Variants in TNK2 observed in about 807,000 individuals in gnomAD.
TNK2 encodes activated CDC42 kinase 1.
TNK2 carries 83 observed loss-of-function variants against 101.8 expected under a neutral mutation model. That is an observed-to-expected ratio of 0.82 (90% CI 0.68 to 0.98). TNK2 has a LOEUF of 0.98. TNK2 is among the 50% of genes least tolerant of loss of function. The pLI is 0.00. For missense variants in TNK2, 1,665 were observed against 1,483.2 expected (o/e 1.12, Z -2.01); for synonymous variants, 804 against 633.0 (o/e 1.27, Z -4.06).
At position 195,866,749 on chromosome 3, in the gene TNK2, G is replaced by A. The variant is rs1345572563; in HGVS notation, c.3161+140C>T. 7.9e-6 allele frequency: 10 copies of A among 1,260,600 alleles called. No homozygotes were observed. The African/African-American group carries it at 1.5e-4, about 19-fold the overall frequency. The allele number at this position is 1,260,600 out of a possible 1,614,324, so 78.1% of individuals were successfully genotyped here. A position where few individuals can be genotyped will look rare whatever the true frequency, so the allele number is the denominator to read the frequency against. ...AAAAACGATTTGCTGGGCCCTGTGA[G>A]CGCCTCCCTCCCGCAGCTGGAGAGC... On this transcript the variant is annotated intron_variant, in intron 15 of 15. Coordinates refer to ENST00000672887, the MANE Select transcript of TNK2 (RefSeq NM_001382273.1).
At chr3:195,897,353 A>G (rs1760713646) in intron 1 of TNK2, among the ~76,000 whole-genome samples, 1 of 152,212 alleles carries the variant, frequency 6.6e-6, no homozygotes, top group African/African-American at 2.4e-5. Context: ...GACACACGCC[A>G]TGACTGTCCA....
chr3:195,887,873 T>C (rs1160169244), intron 2 of TNK2, among the ~76,000 whole-genome samples: 2 of 138,412 alleles, frequency 1.4e-5, no homozygotes, highest in African/African-American at 5.9e-5. Context: ...CGCAGGCGTG[T>C]GAGCGCGTGC....
Position 195,878,917 on chromosome 3 carries a change from G to T in TNK2, c.1014+132C>A. The T allele has an allele frequency of 7.1e-7, 1 of 1,404,126 alleles. No individual in the cohort carries two copies. The highest frequency in any genetic ancestry group is 9.7e-7 in the Non-Finnish European group (1 of 1,029,958). 87.0% of individuals were successfully genotyped at this position (1,404,126 alleles called of 1,614,324 possible). On this transcript the variant is annotated intron_variant, in intron 7 of 15. Coordinates refer to ENST00000672887, the MANE Select transcript of TNK2 (RefSeq NM_001382273.1). The surrounding 1 kb of genome is among the most constrained non-coding windows in gnomAD (Gnocchi z 4.7). ...ACACGGGGCGTGGTGGGAGGCACGGGAAGTGGGGGGAGGCACGGGGCGTGG... is the reference window on the plus strand; with the variant it reads ...ACACGGGGCGTGGTGGGAGGCACGGTAAGTGGGGGGAGGCACGGGGCGTGG...
chr3:195,880,036 C>T (rs1320918454), intron 6 of TNK2, among the ~76,000 whole-genome samples: 1 of 152,122 alleles, frequency 6.6e-6, no homozygotes, highest in African/African-American at 2.4e-5. Flanking sequence ...GATGACCATG[C>T]GTCCTGGATC....
In TNK2 at chr3:195,878,682, C is replaced by T. The variant is rs1048084091; in HGVS notation, c.1015-90G>A. 1.1e-5 allele frequency: 17 copies of T among 1,513,878 alleles called. No individual in the cohort carries two copies. In the African/African-American group the frequency reaches 1.4e-4, roughly 12 times the overall value. The allele number at this position is 1,513,878 out of a possible 1,614,324, so 93.8% of individuals were successfully genotyped here. A position where few individuals can be genotyped will look rare whatever the true frequency, so the allele number is the denominator to read the frequency against. On this transcript the variant is annotated intron_variant, in intron 7 of 15. Coordinates refer to ENST00000672887, the MANE Select transcript of TNK2 (RefSeq NM_001382273.1). This position sits in a 1 kb window ranked among gnomAD's most constrained non-coding sequence, Gnocchi z 4.7. ...CCCTCCAGCCCATCCACAGCTGCAG[C>T]GGCTGCTGCCATGCCTGGCCTCCAA...
At position 195,868,175 on chromosome 3, in the gene TNK2, C is replaced by T. The variant is rs772790657; in HGVS notation, c.2123G>A (p.Gly708Asp). The T allele has an allele frequency of 2.5e-6, 4 of 1,610,212 alleles. No individual in the cohort carries two copies. The highest frequency in any genetic ancestry group is 3.4e-6 in the Non-Finnish European group (4 of 1,178,970). Residue 708 changes from glycine (G) to aspartate (D), a missense_variant, in exon 13 of 16, where the codon GGT (glycine) becomes GAT (aspartate). Coordinates refer to ENST00000672887, the MANE Select transcript of TNK2 (RefSeq NM_001382273.1). ...LEDNLFLPPQ[G>D]GGKPPSSAQT... is the part of the protein sequence containing the mutation. ...TGCGGAGCTGGGCGGCTTGCCCCCA[C>T]CCTGGGGCGGGAGGAACAGGTTGTC...
intron 9 of TNK2, among the ~76,000 whole-genome samples, chr3:195,875,525 T>G (rs990668659): frequency 6.6e-6 from 1 of 152,170 alleles, no homozygotes; most frequent in Non-Finnish European, 1.5e-5. Flanking sequence ...AAGGCTCCAG[T>G]GGGACTTCCA....
chr3:195,871,556 G>A lies in TNK2; in HGVS notation c.1451+720C>T, dbSNP rs371719538. ...GGTCACAGGGTCACAGGGGGCCACAGGGGGGTCATGGGAGAAGCTCTCCTC... is the reference window on the plus strand; with the variant it reads ...GGTCACAGGGTCACAGGGGGCCACAAGGGGGTCATGGGAGAAGCTCTCCTC... On this transcript the variant is annotated intron_variant, in intron 10 of 15. Transcript: ENST00000672887. Among the ~76,000 whole-genome samples the A allele has an allele frequency of 1.2e-3, 186 of 152,226 alleles. 1 individual carries two copies. The highest frequency in any genetic ancestry group is 4.3e-3 in the African/African-American group (178 of 41,514).
Position 195,885,406 on chromosome 3 carries a change from C to T in TNK2, c.235-373G>A. 7.4e-7 allele frequency: 1 copy of T among 1,354,976 alleles called. No homozygotes were observed. Among genetic ancestry groups the T allele is most frequent in the Non-Finnish European group, 9.7e-7 (1 of 1,032,098 alleles). 83.9% of individuals were successfully genotyped at this position (1,354,976 alleles called of 1,614,324 possible). A position where few individuals can be genotyped will look rare whatever the true frequency, so the allele number is the denominator to read the frequency against. ...GCACCCGCCACCCCGCAGACTCCAG[C>T]CCTAACCCGCATCGATGGAGCCGCA... On this transcript the variant is annotated intron_variant, in intron 3 of 15. Transcript: ENST00000672887. The surrounding 1 kb of genome is among the most constrained non-coding windows in gnomAD (Gnocchi z 4.7).
chr3:195,882,495 C>T lies in TNK2; in HGVS notation c.610-167G>A. ...TCTAGGAGTCCTGCAGTTTCTCAGG[C>T]CTCTCCCTCGAGGCAATTTGGGAAA... On this transcript the variant is annotated intron_variant, in intron 5 of 15. Coordinates refer to ENST00000672887, the MANE Select transcript of TNK2 (RefSeq NM_001382273.1). This position sits in a 1 kb window ranked among gnomAD's most constrained non-coding sequence, Gnocchi z 4.2. 1 of 1,540,322 alleles carries T rather than the reference C, an allele frequency of 6.5e-7. No homozygotes were observed.
rs1419746792 is a variant in TNK2 at position 195,882,352 on chromosome 3, G to A, written c.610-24C>T. On this transcript the variant is annotated intron_variant, in intron 5 of 15. Coordinates refer to ENST00000672887, the MANE Select transcript of TNK2 (RefSeq NM_001382273.1). This position sits in a 1 kb window ranked among gnomAD's most constrained non-coding sequence, Gnocchi z 4.2. Reference sequence around the variant, plus strand: ...ACCTGAGGCCACGGAGGAGGCAGGAGGAATGAGCTGGAGGACCCTGCCCCT... The same window carrying A: ...ACCTGAGGCCACGGAGGAGGCAGGAAGAATGAGCTGGAGGACCCTGCCCCT... 6.2e-7 allele frequency: 1 copy of A among 1,607,216 alleles called. No individual in the cohort carries two copies. The highest frequency in any genetic ancestry group is 8.5e-7 in the Non-Finnish European group (1 of 1,175,030).
Position 195,868,035 on chromosome 3 carries a change from G to C in TNK2, c.2263C>G (p.Pro755Ala), listed in dbSNP as rs770236909. Residue 755 changes from proline (P) to alanine (A), a missense_variant, in exon 13 of 16, where the codon CCT (proline) becomes GCT (alanine). Transcript: ENST00000672887. ...CGAGGGGGGATGGGTACCCGAGGAG[G>C]CACCTGGGGCTTGTCGTCACCCCCC... ...SPGGDDKPQVPPRVPIPPRPT... is the reference protein window; with the variant it reads ...SPGGDDKPQVAPRVPIPPRPT... 6.3e-7 allele frequency: 1 copy of C among 1,592,254 alleles called. No homozygotes were observed. The highest frequency in any genetic ancestry group is 1.1e-5 in the South Asian group (1 of 89,160).
intron 9 of TNK2, among the ~76,000 whole-genome samples, chr3:195,873,545 C>T (rs962193594): frequency 1.3e-4 from 20 of 151,986 alleles, no homozygotes; most frequent in African/African-American, 4.6e-4. Context: ...CACGCGGGGG[C>T]GGTGACAGCC....
At chr3:195,876,203 TC>T (rs1749150931) in intron 9 of TNK2, among the ~76,000 whole-genome samples, 1 of 152,104 alleles carries the variant, frequency 6.6e-6, no homozygotes, top group African/African-American at 2.4e-5. Flanking sequence ...CATTTGTGTC[TC>T]CAAATCTAGA....
chr3:195,880,755 C>A (rs2620624), intron 6 of TNK2, among the ~76,000 whole-genome samples: 15 of 15,058 alleles, frequency 1.0e-3, no homozygotes, highest in Non-Finnish European at 1.4e-3. Flanking sequence ...GACACAGCAT[C>A]TATCCCTGTA....
rs562638037 is a variant in TNK2 at position 195,888,699 on chromosome 3, G to A, written c.-18-93C>T. On this transcript the variant is annotated intron_variant, in intron 1 of 15. Coordinates refer to ENST00000672887, the MANE Select transcript of TNK2 (RefSeq NM_001382273.1). This position sits in a 1 kb window ranked among gnomAD's most constrained non-coding sequence, Gnocchi z 5.3. ...TGGGCTCACCTTCATCCCACTACACGGCCACCCGGAAGGGCTCACACCACC... is the reference window on the plus strand; with the variant it reads ...TGGGCTCACCTTCATCCCACTACACAGCCACCCGGAAGGGCTCACACCACC... 263 of 1,259,296 alleles carry A rather than the reference G, an allele frequency of 2.1e-4. 1 individual carries two copies. The South Asian group carries it at 2.1e-3, about 10-fold the overall frequency. 78.0% of individuals were successfully genotyped at this position (1,259,296 alleles called of 1,614,324 possible).
intron 6 of TNK2, among the ~76,000 whole-genome samples, chr3:195,881,536 C>G (rs1337318050): frequency 2.2e-5 from 2 of 90,570 alleles, no homozygotes; most frequent in South Asian, 4.8e-4. Context: ...CCTGTAACAC[C>G]CCCCCCAGCA....
chr3:195,870,484 C>T (rs1744338201), intron 10 of TNK2: 5 of 1,090,986 alleles, frequency 4.6e-6, no homozygotes, highest in East Asian at 5.4e-5. Context: ...TCCACAACCC[C>T]CCAGGCCCCC....
chr3:195,902,621 A>C (rs550930814), intron 1 of TNK2, among the ~76,000 whole-genome samples: 126 of 131,026 alleles, frequency 9.6e-4, no homozygotes, highest in African/African-American at 4.1e-3. Flanking sequence ...CCGTCTCAAA[A>C]AAAAAAAACA....
Sources: gnomAD v4.1 joint callset for allele counts (sites outside exome capture counted in the v4.1 genomes callset) on GRCh38, gnomAD v4.1.1 for gene constraint, Gnocchi (gnomAD v3.1) non-coding constraint, MANE v1.5 for transcripts, NCBI Gene and HGNC (gene_info 2026-07-23, HGNC 2026-07-21) for gene names.